The following MYO19 variants were observed in gnomAD, a reference collection of about 807,000 sequenced individuals.
MYO19 encodes myosin XIX.
Under a neutral mutation model 129.2 loss-of-function variants are expected in MYO19, and 132 were observed. The observed-to-expected ratio is 1.02, with a 90% CI of 0.89 to 1.18. The LOEUF is 1.18. MYO19 is among the 50% of genes most tolerant of loss of function. MYO19 has a pLI of 0.00. For synonymous variants in MYO19, 531 were observed against 477.2 expected, an observed-to-expected ratio of 1.11 and a Z score of -1.47; for missense variants, 1,210 against 1,216.7, an observed-to-expected ratio of 0.99 and a Z score of 0.08.
chr17:36,530,519 C>T (rs973161998), intron 3 of MYO19, among the ~76,000 whole-genome samples: 2 of 145,784 alleles, frequency 1.4e-5, no homozygotes, highest in African/African-American at 5.1e-5. Flanking sequence ...TGCAGTGGCG[C>T]GATCTCGACT....
intron 3 of MYO19, among the ~76,000 whole-genome samples, chr17:36,532,211 A>G (rs1245345804): frequency 6.6e-6 from 1 of 152,160 alleles, no homozygotes; most frequent in African/African-American, 2.4e-5. Flanking sequence ...TGGAAGCCCC[A>G]GGCTTCTACT....
intron 6 of MYO19, 22 bp downstream of exon 6, chr17:36,525,206 G>A: frequency 6.4e-7 from 1 of 1,574,030 alleles, no homozygotes; most frequent in Non-Finnish European, 8.7e-7. Context: ...GAGTTGACAG[G>A]ATGGGAAAGA....
At position 36,532,615 on chromosome 17, in the gene MYO19, T is replaced by C; in HGVS notation, c.-77A>G. 4 of 1,521,414 alleles carry C rather than the reference T, an allele frequency of 2.6e-6. No homozygotes were observed. The highest frequency in any genetic ancestry group is 1.4e-5 in the African/African-American group (1 of 72,500). 94.2% of individuals were successfully genotyped at this position (1,521,414 alleles called of 1,614,324 possible). A position where few individuals can be genotyped will look rare whatever the true frequency, so the allele number is the denominator to read the frequency against. Reference sequence around the variant, plus strand: ...TACTATCCACCTAGTCATGGGACCATGGGCTGGGGTATGGTTCCAACAAAG... The same window carrying C: ...TACTATCCACCTAGTCATGGGACCACGGGCTGGGGTATGGTTCCAACAAAG... On this transcript the variant is annotated 5_prime_UTR_variant, in exon 3 of 26. It removes an upstream start codon present in the reference 5' UTR. Coordinates refer to ENST00000614623, the MANE Select transcript of MYO19 (RefSeq NM_001163735.2).
chr17:36,506,578 G>A lies in MYO19; in HGVS notation c.1675C>T (p.Leu559=), dbSNP rs749649353. 4 of 1,562,014 alleles carry A rather than the reference G, an allele frequency of 2.6e-6. No homozygotes were observed. In the South Asian group the frequency reaches 3.7e-5, roughly 14 times the overall value. ...AGCAGGGGGTCCTGGGATTGCTGCA[G>A]GAGCCTGGTCAGCTCAGGTGGGATA... ...DPIPPELTRL[L]QQSQDPLLMG... Residue 559 remains leucine, a synonymous_variant, in exon 18 of 26, where the codon CTG becomes TTG. Transcript: ENST00000614623.
rs369907543 is a variant in MYO19, at chr17:36,511,347, C to G, written c.985+18G>C. 2.4e-5 allele frequency: 37 copies of G among 1,564,182 alleles called. No individual in the cohort carries two copies. The East Asian group carries it at 2.4e-4, about 10-fold the overall frequency. On this transcript the variant is annotated intron_variant, in intron 12 of 25. Transcript: ENST00000614623. ...CCTTCCTGACAGGGCCTGCCCCATC[C>G]TACACCCTGACCCTCACACTTGGCA... is the stretch of plus-strand genomic sequence containing the variant.
At chr17:36,523,736 G>A (rs948139739) in intron 6 of MYO19, among the ~76,000 whole-genome samples, 3 of 152,074 alleles carry the variant, frequency 2.0e-5, no homozygotes, top group African/African-American at 7.2e-5. Context: ...TTGAGGGCAG[G>A]GAAATAAGGG....
chr17:36,505,159 G>C, intron 19 of MYO19, 138 bp downstream of exon 19: 1 of 821,558 alleles, frequency 1.2e-6, no homozygotes. Context: ...AGGGAGATGG[G>C]TCCTCTCTCA....
chr17:36,509,371 G>T, intron 13 of MYO19: 1 of 580,360 alleles, frequency 1.7e-6, no homozygotes, highest in Non-Finnish European at 3.1e-6. Flanking sequence ...TGTCCTTATG[G>T]GAAGACTGAG....
rs1406601191 is a variant in MYO19 at position 36,507,468 on chromosome 17, G to C, written c.1398C>G (p.Tyr466Ter). Residue 466 changes from tyrosine (Y) to a stop codon, truncating the protein, a stop_gained, in exon 16 of 26, where the codon TAC becomes TAG. Coordinates refer to ENST00000614623, the MANE Select transcript of MYO19 (RefSeq NM_001163735.2). LOFTEE classifies it high-confidence loss of function. Reference sequence around the variant, plus strand: ...GATCCAAACAGGGCTGGTTGTCCTGGTAGTTGATGAATGACCACTCCAGGC... The same window carrying C: ...GATCCAAACAGGGCTGGTTGTCCTGCTAGTTGATGAATGACCACTCCAGGC... Reference protein sequence around the residue: ...VEGLEWSFINYQDNQPCLDLI... With the variant: ...VEGLEWSFIN The C allele has an allele frequency of 1.2e-5, 19 of 1,613,650 alleles. No homozygotes were observed. The highest frequency in any genetic ancestry group is 1.5e-5 in the Non-Finnish European group (18 of 1,179,872).
At chr17:36,497,584 C>A in intron 25 of MYO19, 1 of 982,106 alleles carries the variant, frequency 1.0e-6, no homozygotes, top group Non-Finnish European at 1.2e-6. Flanking sequence ...TTACCCTAAA[C>A]CAAACTTTTT....
At chr17:36,501,461 C>T in intron 21 of MYO19, 1 of 493,632 alleles carries the variant, frequency 2.0e-6, no homozygotes, top group Non-Finnish European at 3.6e-6. Context: ...CCACTTGCGC[C>T]TGTGTGTCCT....
chr17:36,512,663 A>C lies in MYO19; in HGVS notation c.894+766T>G, dbSNP rs535661060. On this transcript the variant is annotated intron_variant, in intron 11 of 25. Coordinates refer to ENST00000614623, the MANE Select transcript of MYO19 (RefSeq NM_001163735.2). ...TCCTTCTGTCAAGTTCTTACCTGGC[A>C]GTGTCTGAGCAGCCCCCATCTGGAG... 49 of 1,289,094 alleles carry C rather than the reference A, an allele frequency of 3.8e-5. 1 individual carries two copies. In the South Asian group the frequency reaches 5.8e-4, roughly 15 times the overall value. 79.9% of individuals were successfully genotyped at this position (1,289,094 alleles called of 1,614,324 possible). A position where few individuals can be genotyped will look rare whatever the true frequency, so the allele number is the denominator to read the frequency against.
Position 36,531,612 on chromosome 17 carries a change from T to A in MYO19, c.12+915A>T, listed in dbSNP as rs529891857. On this transcript the variant is annotated intron_variant, in intron 3 of 25. Coordinates refer to ENST00000614623, the MANE Select transcript of MYO19 (RefSeq NM_001163735.2). ...TTTTTTAATAAGAGAAAAAAAAAGT[T>A]TAAAAATAAGCAAGAAAAAAGCCCA... Among the ~76,000 whole-genome samples the A allele has an allele frequency of 3.3e-5, 5 of 151,924 alleles. No homozygotes were observed. In the East Asian group the frequency reaches 9.6e-4, roughly 29 times the overall value.
intron 23 of MYO19, 30 bp downstream of exon 23, chr17:36,500,800 G>A: frequency 6.3e-7 from 1 of 1,583,164 alleles, no homozygotes. Flanking sequence ...GGGTCTGTGA[G>A]CAGTGCTGAC....
In MYO19 at chr17:36,501,074, A is replaced by G. The variant is rs773379590; in HGVS notation, c.2242T>C (p.Ser748Pro). The G allele has an allele frequency of 1.9e-6, 3 of 1,611,762 alleles. No homozygotes were observed. The South Asian group carries it at 3.3e-5, about 18-fold the overall frequency. Reference sequence around the variant, plus strand: ...TCATCCCCAAACCAGCTCACCATAGAGTCAGTCATGAACACCTTGGTCCTG... The same window carrying G: ...TCATCCCCAAACCAGCTCACCATAGGGTCAGTCATGAACACCTTGGTCCTG... ...CGRTKVFMTD[S>P]MLELLECGRA... The change falls in exon 22 of 26, where the codon TCT (serine) becomes CCT (proline). Residue 748 changes from serine (S) to proline (P), a missense_variant. Transcript: ENST00000614623.
chr17:36,498,184 T>C, intron 25 of MYO19, 82 bp downstream of exon 25: 1 of 1,485,396 alleles, frequency 6.7e-7, no homozygotes, highest in East Asian at 2.3e-5. Context: ...CCAGCCTCAG[T>C]CTCATTCCCG....
intron 20 of MYO19, among the ~76,000 whole-genome samples, chr17:36,503,527 A>G (rs139307284): frequency 6.6e-6 from 1 of 152,340 alleles, no homozygotes; most frequent in Non-Finnish European, 1.5e-5. Flanking sequence ...CAATTGGACC[A>G]GTCCTATGAC....
At position 36,498,405 on chromosome 17, in the gene MYO19, G is replaced by C. The variant is rs759458830; in HGVS notation, c.2618C>G (p.Thr873Arg). ...CTGAAAGCTGCCTACACCCATAGCC[G>C]TATTGGCCAGGACCAGTCCCAGGGG... is the stretch of plus-strand genomic sequence containing the variant. ...LWPLGLVLAN[T>R]AMGVGSFQRK... The change falls in exon 25 of 26, where the codon ACG becomes AGG. Residue 873 changes from threonine to arginine, a missense_variant. Coordinates refer to ENST00000614623, the MANE Select transcript of MYO19 (RefSeq NM_001163735.2). 2 of 1,613,896 alleles carry C rather than the reference G, an allele frequency of 1.2e-6. No homozygotes were observed. The highest frequency in any genetic ancestry group is 2.2e-5 in the South Asian group (2 of 91,094).
intron 23 of MYO19, 40 bp from the exon 24 acceptor site, chr17:36,499,200 G>A (rs1336727440): frequency 6.6e-7 from 1 of 1,510,066 alleles, no homozygotes. Flanking sequence ...GATAATAAAG[G>A]GGCCATTAGA....
Sources: allele counts gnomAD v4.1 joint callset (sites outside exome capture counted in the v4.1 genomes callset), GRCh38; gene constraint gnomAD v4.1.1; transcripts MANE v1.5; gene names NCBI Gene and HGNC (gene_info 2026-07-23, HGNC 2026-07-21).